MBTPS2: variants seen among roughly 807,000 people sequenced by gnomAD.
MBTPS2 encodes the protein membrane bound transcription factor peptidase, site 2.
Under a neutral mutation model 35.4 loss-of-function variants are expected in MBTPS2, and 2 were observed. The observed-to-expected ratio is 0.06, with a 90% CI of 0.02 to 0.18. The LOEUF is 0.18. Among genes scored for constraint, MBTPS2 ranks in the 10% least tolerant of loss-of-function variants. The pLI is 1.00. For synonymous variants in MBTPS2, 125 were observed against 140.4 expected, an observed-to-expected ratio of 0.89 and a Z score of 0.77; for missense variants, 244 against 386.5, an observed-to-expected ratio of 0.63 and a Z score of 3.09.
At position 21,873,997 on chromosome X, in the gene MBTPS2, G is replaced by GTATATATA. The variant is rs1487065636; in HGVS notation, c.971-4044_971-4043insATATATAT. ...TGTGTCTGTGTGTGTGTGTGTGTGT[G>GTATATATA]TGTGTATATATATATATATATACTT... On this transcript the variant is annotated intron_variant, in intron 7 of 10. Transcript: ENST00000379484. Among the ~76,000 whole-genome samples, 282 of 72,556 alleles carry GTATATATA rather than the reference G, an allele frequency of 3.9e-3. 3 individuals carry two copies. The highest frequency in any genetic ancestry group is 0.015 in the African/African-American group (267 of 18,279). 63.0% of individuals were successfully genotyped at this position (72,556 alleles called of 115,157 possible).
At chrX:21,875,491 C>T (rs1366383329) in intron 7 of MBTPS2, among the ~76,000 whole-genome samples, 1 of 112,168 alleles carries the variant, frequency 8.9e-6, no homozygotes, top group Admixed American at 9.5e-5. Flanking sequence ...TATTAGCAAA[C>T]ATGCCGTATC....
At chrX:21,858,300 T>A in intron 5 of MBTPS2, 1 of 124,894 alleles carries the variant, frequency 8.0e-6, no homozygotes. Context: ...TACCAGATGC[T>A]GTTGTTTAGT....
chrX:21,872,526 T>C (rs1227299952), intron 7 of MBTPS2: 2 of 109,381 alleles, frequency 1.8e-5, no homozygotes, highest in South Asian at 4.0e-4. Context: ...AGCCCTGGGC[T>C]GTCCCAGCCC....
rs2092963178 is a variant in MBTPS2 at position 21,885,012 on chromosome X, T to C, written c.*2357T>C. ...AAGTGTTCTTTCTGCGTTGTCACTT[T>C]GTTCAACAGTAAAACTTTATTCTCA... On this transcript the variant is annotated 3_prime_UTR_variant, in exon 11 of 11. Coordinates refer to ENST00000379484, the MANE Select transcript of MBTPS2 (RefSeq NM_015884.4). The C allele has an allele frequency of 2.7e-6, 2 of 751,256 alleles. No homozygotes were observed. The highest frequency in any genetic ancestry group is 3.1e-6 in the Non-Finnish European group (2 of 637,701). 61.9% of individuals were successfully genotyped at this position (751,256 alleles called of 1,213,427 possible).
intron 7 of MBTPS2, among the ~76,000 whole-genome samples, chrX:21,875,097 G>T (rs952337545): frequency 1.1e-4 from 12 of 112,341 alleles, no homozygotes; most frequent in African/African-American, 3.6e-4. Context: ...TCTTGTCAGG[G>T]AGGCCACAGC....
intron 5 of MBTPS2, among the ~76,000 whole-genome samples, chrX:21,855,463 G>A (rs776196076): frequency 6.4e-5 from 7 of 109,848 alleles, no homozygotes; most frequent in Admixed American, 1.9e-4. Flanking sequence ...ATGGAGTCTC[G>A]CTGTGTTGCC....
chrX:21,863,141 G>A (rs1353350105), intron 5 of MBTPS2, among the ~76,000 whole-genome samples: 2 of 96,823 alleles, frequency 2.1e-5, no homozygotes, highest in Non-Finnish European at 4.1e-5. Context: ...GCTGGCACGC[G>A]CCTGTAGTCC....
rs961030824 is a variant in MBTPS2, at chrX:21,885,318, G to T, written c.*2663G>T. 4 of 749,047 alleles carry T rather than the reference G, an allele frequency of 5.3e-6. No homozygotes were observed. In the African/African-American group the frequency reaches 9.3e-5, roughly 17 times the overall value. 61.7% of individuals were successfully genotyped at this position (749,047 alleles called of 1,213,427 possible). ...AGGTGTTTTTTTCTATAAATCTTCTGACTGTCCTGTAATTCATTCTTAAGC... is the reference window on the plus strand; with the variant it reads ...AGGTGTTTTTTTCTATAAATCTTCTTACTGTCCTGTAATTCATTCTTAAGC... On this transcript the variant is annotated 3_prime_UTR_variant, in exon 11 of 11. Transcript: ENST00000379484.
intron 5 of MBTPS2, among the ~76,000 whole-genome samples, chrX:21,867,410 C>G (rs1407597663): frequency 9.0e-6 from 1 of 111,158 alleles, no homozygotes; most frequent in Non-Finnish European, 1.9e-5. Flanking sequence ...AAAAATCACA[C>G]ACATACACAA....
In MBTPS2 at chrX:21,869,552, C is replaced by A; in HGVS notation, c.844C>A (p.Leu282Ile). 1 of 1,209,922 alleles carries A rather than the reference C, an allele frequency of 8.3e-7. No individual in the cohort carries two copies. Among genetic ancestry groups the A allele is most frequent in the Non-Finnish European group, 1.1e-6 (1 of 893,764 alleles). The change falls in exon 7 of 11, where the codon CTA becomes ATA. Residue 282 changes from leucine to isoleucine, a missense_variant. Coordinates refer to ENST00000379484, the MANE Select transcript of MBTPS2 (RefSeq NM_015884.4). Reference sequence around the variant, plus strand: ...TTTTGTGGGAGACCTTGTCACCCATCTACAGGATTGTCCTGTTACTAATGT... The same window carrying A: ...TTTTGTGGGAGACCTTGTCACCCATATACAGGATTGTCCTGTTACTAATGT... ...GLFVGDLVTH[L>I]QDCPVTNVQD...
At position 21,845,221 on chromosome X, in the gene MBTPS2, T is replaced by C; in HGVS notation, c.275T>C (p.Phe92Ser). 2 of 1,211,792 alleles carry C rather than the reference T, an allele frequency of 1.7e-6. No individual in the cohort carries two copies. Among genetic ancestry groups the C allele is most frequent in the Non-Finnish European group, 2.2e-6 (2 of 895,458 alleles). ...GTAATTGCCATGTTTAGCTCATTTTTTCTCCTTGGAAAAACGCTGATGCAG... is the reference window on the plus strand; with the variant it reads ...GTAATTGCCATGTTTAGCTCATTTTCTCTCCTTGGAAAAACGCTGATGCAG... ...FGVIAMFSSF[F>S]LLGKTLMQTL... Residue 92 changes from phenylalanine to serine, a missense_variant, in exon 3 of 11, where the codon TTT becomes TCT. Coordinates refer to ENST00000379484, the MANE Select transcript of MBTPS2 (RefSeq NM_015884.4).
chrX:21,846,800 G>C (rs761971139), intron 3 of MBTPS2, among the ~76,000 whole-genome samples: 5 of 112,190 alleles, frequency 4.5e-5, no homozygotes, highest in Non-Finnish European at 7.5e-5. Context: ...GATAGTGCAG[G>C]ATATAAGGTG....
intron 4 of MBTPS2, among the ~76,000 whole-genome samples, chrX:21,852,339 A>C (rs1602140253): frequency 1.8e-5 from 2 of 111,923 alleles, no homozygotes; most frequent in African/African-American, 6.5e-5. Context: ...GGACCAGAGA[A>C]AAGGTTAAAA....
chrX:21,864,513 T>C (rs2092937158), intron 5 of MBTPS2, among the ~76,000 whole-genome samples: 2 of 112,137 alleles, frequency 1.8e-5, no homozygotes, highest in Admixed American at 9.4e-5. Flanking sequence ...AGTTTTATAA[T>C]GCTACTTTTA....
At chrX:21,852,409 C>G (rs1488475724) in intron 4 of MBTPS2, among the ~76,000 whole-genome samples, 1 of 111,518 alleles carries the variant, frequency 9.0e-6, no homozygotes, top group African/African-American at 3.3e-5. Context: ...TGTTTATGAA[C>G]AAGAGTCTAT....
At chrX:21,877,318 T>C (rs1448392646) in intron 7 of MBTPS2, among the ~76,000 whole-genome samples, 1 of 111,765 alleles carries the variant, frequency 8.9e-6, no homozygotes, top group African/African-American at 3.3e-5. Flanking sequence ...GGCGCATGCC[T>C]GTAGTCCCAG....
At position 21,883,753 on chromosome X, in the gene MBTPS2, T is replaced by C; in HGVS notation, c.*1098T>C. The C allele has an allele frequency of 1.3e-6, 1 of 753,691 alleles. No individual in the cohort carries two copies. The highest frequency in any genetic ancestry group is 1.6e-6 in the Non-Finnish European group (1 of 639,014). 62.1% of individuals were successfully genotyped at this position (753,691 alleles called of 1,213,427 possible). A position where few individuals can be genotyped will look rare whatever the true frequency, so the allele number is the denominator to read the frequency against. ...TCTGGGTCCACAGAAGACTTGGTAG[T>C]ATAGTGAGAATGGCTATACGTGAGT... On this transcript the variant is annotated 3_prime_UTR_variant, in exon 11 of 11. Transcript: ENST00000379484.
At chrX:21,867,292 G>A (rs2092941364) in intron 5 of MBTPS2, among the ~76,000 whole-genome samples, 1 of 111,905 alleles carries the variant, frequency 8.9e-6, no homozygotes, top group Admixed American at 9.5e-5. Context: ...AGTAGGGAAA[G>A]AATGCACTGC....
intron 3 of MBTPS2, among the ~76,000 whole-genome samples, chrX:21,849,944 G>A (rs1437968049): frequency 9.5e-6 from 1 of 104,953 alleles, no homozygotes. Flanking sequence ...GGAGAACGGC[G>A]TGAACCCAGG....
Sources: allele counts gnomAD v4.1 joint callset (sites outside exome capture counted in the v4.1 genomes callset), GRCh38; gene constraint gnomAD v4.1.1; transcripts MANE v1.5; gene names NCBI Gene and HGNC (gene_info 2026-07-23, HGNC 2026-07-21).